The following EXOC4 variants were observed in gnomAD, a reference collection of about 807,000 sequenced individuals.
The protein encoded by EXOC4 is exocyst complex component 4.
Under a neutral mutation model 107.2 loss-of-function variants are expected in EXOC4, and 71 were observed. The ratio of observed to expected loss-of-function variants is 0.66; its 90% CI spans 0.55 to 0.81. The LOEUF (loss-of-function observed/expected upper bound fraction) is 0.81. Among genes scored for constraint, EXOC4 ranks in the 30% least tolerant of loss-of-function variants. The pLI is 0.00. For missense variants in EXOC4, 1,108 were observed against 1,189.6 expected (o/e 0.93, Z 1.01); for synonymous variants, 456 against 441.2 (o/e 1.03, Z -0.42).
chr7:133,694,185 C>T (rs537936481), intron 10 of EXOC4, among the ~76,000 whole-genome samples: 2 of 150,660 alleles, frequency 1.3e-5, no homozygotes, highest in South Asian at 2.1e-4. Context: ...TGCTTGAACC[C>T]GGGAGGCAGA....
intron 9 of EXOC4, among the ~76,000 whole-genome samples, chr7:133,578,529 A>G (rs1801182799): frequency 1.3e-5 from 2 of 152,174 alleles, no homozygotes; most frequent in African/African-American, 4.8e-5. Context: ...TAACCCTGAC[A>G]TGGTGATGTA....
intron 10 of EXOC4, among the ~76,000 whole-genome samples, chr7:133,796,323 G>C (rs367848130): frequency 2.0e-5 from 3 of 152,240 alleles, no homozygotes; most frequent in East Asian, 3.9e-4. Flanking sequence ...TACAGGTTGT[G>C]GGGGAAAGGC....
intron 9 of EXOC4, among the ~76,000 whole-genome samples, chr7:133,527,776 A>G (rs1800108119): frequency 6.6e-6 from 1 of 152,204 alleles, no homozygotes; most frequent in African/African-American, 2.4e-5. Flanking sequence ...AAGCCCTACA[A>G]AACAGTCATC....
At chr7:133,539,771 T>C (rs1158946938) in intron 9 of EXOC4, among the ~76,000 whole-genome samples, 1 of 152,110 alleles carries the variant, frequency 6.6e-6, no homozygotes, top group Non-Finnish European at 1.5e-5. Context: ...GATCCCATCA[T>C]TGATGGGGCC....
Position 134,064,441 on chromosome 7 carries a change from C to A in EXOC4, c.2838C>A (p.Asn946Lys). ...QTGVGELTTQ[N>K]TRLQRLKEII... Reference sequence around the variant, plus strand: ...GGGTGGGGGAACTGACCACCCAGAACACGAGGCTGCAGAGGCTCAAAGAGA... The same window carrying A: ...GGGTGGGGGAACTGACCACCCAGAAAACGAGGCTGCAGAGGCTCAAAGAGA... Residue 946 changes from asparagine to lysine, a missense_variant, in exon 18 of 18, where the codon AAC becomes AAA. Asn to Lys is a moderately conservative substitution (Grantham distance 94). Coordinates refer to ENST00000253861, the MANE Select transcript of EXOC4 (RefSeq NM_021807.4). The A allele has an allele frequency of 8.7e-6, 14 of 1,608,924 alleles. No homozygotes were observed. Among genetic ancestry groups the A allele is most frequent in the Non-Finnish European group, 1.2e-5 (14 of 1,177,424 alleles).
intron 9 of EXOC4, among the ~76,000 whole-genome samples, chr7:133,489,999 C>G (rs1799341035): frequency 6.6e-6 from 1 of 152,130 alleles, no homozygotes; most frequent in Non-Finnish European, 1.5e-5. Flanking sequence ...TTGGGTCATT[C>G]TCTTATTGGG....
chr7:133,271,427 G>A (rs10263196), intron 1 of EXOC4, among the ~76,000 whole-genome samples: 45,158 of 152,010 alleles, frequency 0.3, 7,029 homozygotes, highest in South Asian at 0.38. Context: ...TTATTGTTGG[G>A]AGACCATTCT....
intron 2 of EXOC4, 100 bp from the exon 3 acceptor site, chr7:133,288,822 C>A: frequency 1.1e-6 from 1 of 924,924 alleles, no homozygotes; most frequent in Non-Finnish European, 1.6e-6. Context: ...GAATTAGGAA[C>A]TGCTGCATAC....
intron 6 of EXOC4, among the ~76,000 whole-genome samples, chr7:133,370,222 G>T (rs1796344459): frequency 6.9e-6 from 1 of 144,386 alleles, no homozygotes; most frequent in South Asian, 2.1e-4. Context: ...CAAGGTTAAG[G>T]ACGCAGCCAT....
At chr7:134,002,684 T>TA (rs1794557318) in intron 15 of EXOC4, among the ~76,000 whole-genome samples, 2 of 152,160 alleles carry the variant, frequency 1.3e-5, no homozygotes, top group Non-Finnish European at 2.9e-5. Flanking sequence ...TCATCAAAGA[T>TA]ATACACGCAG....
At position 133,921,431 on chromosome 7, in the gene EXOC4, C is replaced by G. The variant is rs531699032; in HGVS notation, c.2027+3693C>G. Among the ~76,000 whole-genome samples the G allele has an allele frequency of 6.3e-4, 96 of 152,266 alleles. No homozygotes were observed. The South Asian group carries it at 0.018, about 29-fold the overall frequency. On this transcript the variant is annotated intron_variant, in intron 13 of 17. Transcript: ENST00000253861. ...ACCAGTTATCTGAGCATCTCTTAGC[C>G]CAGTCAAGCTGACATATAAAATTAA... is the stretch of plus-strand genomic sequence containing the variant.
chr7:133,785,176 G>C (rs1455716225), intron 10 of EXOC4, among the ~76,000 whole-genome samples: 2 of 152,104 alleles, frequency 1.3e-5, no homozygotes, highest in Non-Finnish European at 2.9e-5. Context: ...AAGTGCCCCT[G>C]CCATTGGAAT....
chr7:133,513,084 G>A (rs767717587), intron 9 of EXOC4, among the ~76,000 whole-genome samples: 10 of 152,132 alleles, frequency 6.6e-5, no homozygotes, highest in East Asian at 3.9e-4. Context: ...CATCTTGGGT[G>A]ACAGAGCAAG....
chr7:133,730,507 G>A (rs1795304053), intron 10 of EXOC4, among the ~76,000 whole-genome samples: 1 of 152,030 alleles, frequency 6.6e-6, no homozygotes, highest in African/African-American at 2.4e-5. Context: ...ACAGCTTTCT[G>A]ATATAACGAA....
At chr7:133,345,746 T>G (rs1225718822) in intron 5 of EXOC4, among the ~76,000 whole-genome samples, 1 of 152,218 alleles carries the variant, frequency 6.6e-6, no homozygotes, top group Non-Finnish European at 1.5e-5. Context: ...ACACTCACCT[T>G]GCTTTCAAAA....
intron 17 of EXOC4, among the ~76,000 whole-genome samples, chr7:134,053,718 C>G (rs1024505579): frequency 3.1e-4 from 47 of 151,610 alleles, no homozygotes; most frequent in African/African-American, 1.1e-3. Context: ...CAGGGAAAAC[C>G]TCACTTACTG....
At chr7:133,669,197 G>A (rs1418204606) in intron 10 of EXOC4, among the ~76,000 whole-genome samples, 1 of 152,008 alleles carries the variant, frequency 6.6e-6, no homozygotes, top group Non-Finnish European at 1.5e-5. Context: ...GGAGGGAGGG[G>A]TAAGGAGCCA....
chr7:133,637,435 C>T lies in EXOC4; in HGVS notation c.1514+7294C>T, dbSNP rs1257805353. 3.3e-5 allele frequency among the ~76,000 whole-genome samples: 5 copies of T among 152,116 alleles called. No homozygotes were observed. In the East Asian group the frequency reaches 9.6e-4, roughly 29 times the overall value. On this transcript the variant is annotated intron_variant, in intron 10 of 17. Coordinates refer to ENST00000253861, the MANE Select transcript of EXOC4 (RefSeq NM_021807.4). ...AGCAGAATATTATTCTCAGTGTTCA[C>T]AGGTATGTGATATTTTTATACAGAT...
chr7:133,883,954 C>T (rs765572445), intron 11 of EXOC4, among the ~76,000 whole-genome samples: 4 of 152,204 alleles, frequency 2.6e-5, no homozygotes, highest in African/African-American at 9.6e-5. Flanking sequence ...TCATTACTGT[C>T]GTTTTCATAG....
Sources: allele counts gnomAD v4.1 joint callset (sites outside exome capture counted in the v4.1 genomes callset), GRCh38; gene constraint gnomAD v4.1.1; transcripts MANE v1.5; gene names NCBI Gene and HGNC (gene_info 2026-07-23, HGNC 2026-07-21).